SHISA9: variants seen among roughly 807,000 people sequenced by gnomAD.
SHISA9 encodes the protein protein shisa-9.
In SHISA9, 13 loss-of-function variants were observed where a neutral mutation model predicts 38.0. The ratio of observed to expected loss-of-function variants is 0.34; its 90% CI spans 0.22 to 0.54. The LOEUF (loss-of-function observed/expected upper bound fraction) is 0.54. Ranked by LOEUF, SHISA9 falls within the 20% of genes least tolerant of loss-of-function variation. The pLI, the probability that SHISA9 is intolerant of heterozygous loss-of-function variation, is 0.91. For synonymous variants in SHISA9, 275 were observed against 242.0 expected (o/e 1.14, Z -1.27); for missense variants, 538 against 575.8 (o/e 0.93, Z 0.67).
At chr16:13,021,848 G>A (rs1048767606) in intron 2 of SHISA9, among the ~76,000 whole-genome samples, 1 of 152,108 alleles carries the variant, frequency 6.6e-6, no homozygotes, top group Non-Finnish European at 1.5e-5. Context: ...GGGCTGAGGG[G>A]GCAGCCTGGG....
chr16:13,318,098 A>T, the SHISA9 span, among the ~76,000 whole-genome samples: 1 of 151,930 alleles, frequency 6.6e-6, no homozygotes, highest in Non-Finnish European at 1.5e-5. Flanking sequence ...TCATTCATGA[A>T]TTTATGACTT....
the SHISA9 span, among the ~76,000 whole-genome samples, chr16:13,407,087 A>AG: frequency 1.3e-5 from 2 of 150,962 alleles, no homozygotes; most frequent in Admixed American, 6.6e-5. Flanking sequence ...AAAAAAAAAA[A>AG]AAAAAAAAAA....
chr16:13,246,165 C>T, the SHISA9 span, among the ~76,000 whole-genome samples: 3 of 152,310 alleles, frequency 2.0e-5, no homozygotes, highest in East Asian at 1.9e-4. Context: ...TTGTAGCTCC[C>T]GTAATTCCCA....
chr16:13,270,420 C>G, the SHISA9 span, among the ~76,000 whole-genome samples: 4 of 152,150 alleles, frequency 2.6e-5, no homozygotes. Flanking sequence ...AGAATTTACC[C>G]TCCTAATGAC....
chr16:13,228,285 G>T (rs1435130631), intron 4 of SHISA9, among the ~76,000 whole-genome samples: 2 of 152,206 alleles, frequency 1.3e-5, no homozygotes, highest in African/African-American at 4.8e-5. Flanking sequence ...TCAGAGTTAG[G>T]TTAGGAGGAT....
the SHISA9 span, among the ~76,000 whole-genome samples, chr16:13,402,625 C>T: frequency 6.6e-6 from 1 of 151,636 alleles, no homozygotes; most frequent in Admixed American, 6.6e-5. Flanking sequence ...AATTCTCCTG[C>T]CTCAGCCTCC....
Position 13,214,173 on chromosome 16 carries a change from C to A in SHISA9, c.895+873C>A, listed in dbSNP as rs79714868. On this transcript the variant is annotated intron_variant, in intron 4 of 4. Coordinates refer to ENST00000558583, the MANE Select transcript of SHISA9 (RefSeq NM_001145204.3). ...TGGACTTGGTGGAGAAGTAACTGAC[C>A]TAAGGAGGTGGAGGTAGAACTATTT... Among the ~76,000 whole-genome samples, 183 of 152,188 alleles carry A rather than the reference C, an allele frequency of 1.2e-3. 2 individuals carry two copies. In the East Asian group the frequency reaches 0.029, roughly 24 times the overall value.
chr16:13,029,157 GA>G (rs1225246311), intron 2 of SHISA9, among the ~76,000 whole-genome samples: 1 of 152,160 alleles, frequency 6.6e-6, no homozygotes, highest in Non-Finnish European at 1.5e-5. Context: ...CCAAAGAAAG[GA>G]AATCAGTATA....
chr16:13,178,086 G>C (rs988221648), intron 2 of SHISA9, among the ~76,000 whole-genome samples: 1 of 152,188 alleles, frequency 6.6e-6, no homozygotes, highest in Non-Finnish European at 1.5e-5. Flanking sequence ...CATCGATTTT[G>C]AGGTTCTTTA....
At chr16:13,225,501 T>G (rs1196802537) in intron 4 of SHISA9, among the ~76,000 whole-genome samples, 1 of 152,188 alleles carries the variant, frequency 6.6e-6, no homozygotes, top group East Asian at 1.9e-4. Context: ...GAAGATTAAT[T>G]GCTGTCTTTT....
chr16:13,557,686 A>G, the SHISA9 span, among the ~76,000 whole-genome samples: 15 of 152,292 alleles, frequency 9.8e-5, no homozygotes, highest in African/African-American at 3.6e-4. Context: ...AGGATAATTT[A>G]CTGCTCAAGT....
At chr16:13,232,704 GGGAGCTTCAAGGCTATA>G (rs1312189032) in intron 4 of SHISA9, among the ~76,000 whole-genome samples, 4 of 152,302 alleles carry the variant, frequency 2.6e-5, no homozygotes, top group African/African-American at 7.2e-5. Context: ...ATGGTGAGTG[GGGAGCTTCAAGGCTATA>G]GGTAAATGTA....
the SHISA9 span, among the ~76,000 whole-genome samples, chr16:13,246,642 G>T: frequency 3.9e-5 from 6 of 152,244 alleles, no homozygotes; most frequent in East Asian, 1.2e-3. Flanking sequence ...CTGAGCCTCA[G>T]TCAGCATGAG....
chr16:12,957,031 A>G (rs2071845104), intron 2 of SHISA9, among the ~76,000 whole-genome samples: 1 of 152,192 alleles, frequency 6.6e-6, no homozygotes. Context: ...CTTATCACCT[A>G]CAGATAAACA....
chr16:12,928,330 G>A (rs201898350), intron 2 of SHISA9, among the ~76,000 whole-genome samples: 1 of 88,506 alleles, frequency 1.1e-5, no homozygotes, highest in South Asian at 3.8e-4. Flanking sequence ...GTGTGTGTGT[G>A]TATGTGTGTG....
At position 13,237,094 on chromosome 16, in the gene SHISA9, C is replaced by T. The variant is rs1245657017; in HGVS notation, c.*1685C>T. 1 of 152,186 alleles carries T rather than the reference C, an allele frequency of 6.6e-6. No individual in the cohort carries two copies. The highest frequency in any genetic ancestry group is 1.5e-5 in the Non-Finnish European group (1 of 68,036). The allele number at this position is 152,186 out of a possible 1,614,324, so 9.4% of individuals were successfully genotyped here. A position where few individuals can be genotyped will look rare whatever the true frequency, so the allele number is the denominator to read the frequency against. On this transcript the variant is annotated 3_prime_UTR_variant, in exon 5 of 5. Transcript: ENST00000558583. ...AGTTAATTAACATTCAACAGACCCA[C>T]AGCAACTCTGGTGTCAGAAGCTATA...
the SHISA9 span, among the ~76,000 whole-genome samples, chr16:13,456,292 G>A: frequency 6.6e-6 from 1 of 152,130 alleles, no homozygotes; most frequent in African/African-American, 2.4e-5. Context: ...CCACTCGAAT[G>A]CTAGCCTCTC....
At chr16:13,380,406 T>C in the SHISA9 span, among the ~76,000 whole-genome samples, 2 of 152,160 alleles carry the variant, frequency 1.3e-5, no homozygotes, top group African/African-American at 2.4e-5. Flanking sequence ...GTACAAAGCA[T>C]TGGAAATCAG....
chr16:13,514,083 C>T, the SHISA9 span, among the ~76,000 whole-genome samples: 1 of 152,132 alleles, frequency 6.6e-6, no homozygotes, highest in Non-Finnish European at 1.5e-5. Flanking sequence ...CAACCTCTGT[C>T]TCCTGGGTTC....
Sources: gnomAD v4.1 joint callset for allele counts (sites outside exome capture counted in the v4.1 genomes callset) on GRCh38, gnomAD v4.1.1 for gene constraint, MANE v1.5 for transcripts, NCBI Gene and HGNC (gene_info 2026-07-23, HGNC 2026-07-21) for gene names.